Variants in DDAH1 observed in about 807,000 individuals in gnomAD.
DDAH1 encodes N(G),N(G)-dimethylarginine dimethylaminohydrolase 1.
A neutral mutation model predicts 28.8 loss-of-function variants in DDAH1; 19 were observed. The observed-to-expected ratio is 0.66, with a 90% CI of 0.46 to 0.97. The LOEUF (loss-of-function observed/expected upper bound fraction) is 0.97, where lower values mean the gene tolerates loss of function less well. Ranked by LOEUF, DDAH1 falls within the 50% of genes least tolerant of loss-of-function variation. The pLI, the probability that DDAH1 is intolerant of heterozygous loss-of-function variation, is 0.00. For synonymous variants in DDAH1, 153 were observed against 154.4 expected, an observed-to-expected ratio of 0.99 and a Z score of 0.07; for missense variants, 326 against 375.9, an observed-to-expected ratio of 0.87 and a Z score of 1.10.
intron 1 of DDAH1, among the ~76,000 whole-genome samples, chr1:85,518,927 T>TATC (rs1272682974): frequency 6.6e-6 from 1 of 152,106 alleles, no homozygotes; most frequent in African/African-American, 2.4e-5. Context: ...AAATGTTAGC[T>TATC]ATCATCATCA....
In DDAH1 at chr1:85,464,507, C is replaced by T. The variant is rs767332412; in HGVS notation, c.303+236G>A. ...CCCCGCCCACCCACCTGCCCGAGAC[C>T]GTACAACCACATTGAATCGGATCCT... On this transcript the variant is annotated intron_variant, in intron 1 of 5. Transcript: ENST00000284031. This position sits in a 1 kb window ranked among gnomAD's most constrained non-coding sequence, Gnocchi z 4.4. 114 of 1,527,670 alleles carry T rather than the reference C, an allele frequency of 7.5e-5. No individual in the cohort carries two copies. The highest frequency in any genetic ancestry group is 9.9e-5 in the Non-Finnish European group (113 of 1,142,248). 94.6% of individuals were successfully genotyped at this position (1,527,670 alleles called of 1,614,324 possible).
intron 1 of DDAH1, among the ~76,000 whole-genome samples, chr1:85,434,466 G>T (rs1653840461): frequency 6.6e-6 from 1 of 151,980 alleles, no homozygotes; most frequent in African/African-American, 2.4e-5. Flanking sequence ...ACCCAGGCTG[G>T]AGTGCAGTGG....
chr1:85,371,818 T>C (rs996056652), intron 1 of DDAH1, among the ~76,000 whole-genome samples: 1 of 152,242 alleles, frequency 6.6e-6, no homozygotes, highest in Non-Finnish European at 1.5e-5. Flanking sequence ...TCCTCAATGA[T>C]TGCTGCATAA....
intron 1 of DDAH1, among the ~76,000 whole-genome samples, chr1:85,458,165 G>A (rs1302130019): frequency 6.6e-6 from 1 of 152,128 alleles, no homozygotes; most frequent in Non-Finnish European, 1.5e-5. Flanking sequence ...TCGGGTTCTT[G>A]TCCACACTGA....
At chr1:85,327,140 G>A (rs1647455919) in intron 4 of DDAH1, among the ~76,000 whole-genome samples, 1 of 152,180 alleles carries the variant, frequency 6.6e-6, no homozygotes, top group African/African-American at 2.4e-5. Context: ...GAGCCCGGGA[G>A]TTTGAGACCA....
At chr1:85,369,055 C>CTTTT (rs36109764) in intron 1 of DDAH1, among the ~76,000 whole-genome samples, 24 of 84,584 alleles carry the variant, frequency 2.8e-4, no homozygotes, top group Admixed American at 5.7e-4. Context: ...CCAGGGGATT[C>CTTTT]TTTTTTTTTT....
intron 1 of DDAH1, among the ~76,000 whole-genome samples, chr1:85,498,202 CA>C (rs1557694002): frequency 6.6e-6 from 1 of 152,136 alleles, no homozygotes; most frequent in Non-Finnish European, 1.5e-5. Context: ...GGATAGCCAA[CA>C]GGACTATAGC....
intron 5 of DDAH1, among the ~76,000 whole-genome samples, chr1:85,322,500 C>T (rs1661393715): frequency 6.6e-6 from 1 of 152,220 alleles, no homozygotes; most frequent in Admixed American, 6.5e-5. Flanking sequence ...ATCTCCTGTG[C>T]TTCTTTAGGA....
At chr1:85,417,143 A>C (rs1336421905) in intron 1 of DDAH1, among the ~76,000 whole-genome samples, 1 of 152,236 alleles carries the variant, frequency 6.6e-6, no homozygotes, top group Non-Finnish European at 1.5e-5. Flanking sequence ...ATATGATTTT[A>C]GTGAAGGGAC....
intron 4 of DDAH1, among the ~76,000 whole-genome samples, chr1:85,339,706 C>T (rs919818634): frequency 3.9e-5 from 6 of 152,308 alleles, no homozygotes; most frequent in African/African-American, 1.2e-4. Flanking sequence ...CAAAATGTCA[C>T]TTCTAATTTA....
At chr1:85,412,423 C>T (rs563624507) in intron 1 of DDAH1, among the ~76,000 whole-genome samples, 20 of 152,336 alleles carry the variant, frequency 1.3e-4, no homozygotes, top group African/African-American at 4.3e-4. Flanking sequence ...CAACACAAGA[C>T]GATCTTCCTG....
intron 1 of DDAH1, among the ~76,000 whole-genome samples, chr1:85,524,553 C>T (rs1462269954): frequency 1.3e-5 from 2 of 151,826 alleles, no homozygotes; most frequent in Non-Finnish European, 2.9e-5. Context: ...CTACTATCAA[C>T]CTGAGAAAGA....
At chr1:85,459,960 G>A (rs1446718671) in intron 1 of DDAH1, among the ~76,000 whole-genome samples, 4 of 152,128 alleles carry the variant, frequency 2.6e-5, no homozygotes, top group Non-Finnish European at 4.4e-5. Flanking sequence ...AGGATTAACC[G>A]CAACTGGCAA....
chr1:85,575,897 A>T (rs1659588186), intron 1 of DDAH1: 1 of 152,048 alleles, frequency 6.6e-6, no homozygotes, highest in Admixed American at 6.6e-5. Flanking sequence ...AACATCACAC[A>T]CTGGGGCCTG....
At chr1:85,460,148 T>A (rs989580661) in intron 1 of DDAH1, among the ~76,000 whole-genome samples, 1 of 152,214 alleles carries the variant, frequency 6.6e-6, no homozygotes, top group Non-Finnish European at 1.5e-5. Flanking sequence ...ATTCAAAAAC[T>A]TGGCATTTGT....
chr1:85,490,727 C>A (rs1006285584), intron 2 of DDAH1, among the ~76,000 whole-genome samples: 1 of 152,192 alleles, frequency 6.6e-6, no homozygotes, highest in Non-Finnish European at 1.5e-5. Context: ...TAAGATAATG[C>A]CCAAATGTTT....
chr1:85,476,628 T>C (rs1008846679), intron 2 of DDAH1, among the ~76,000 whole-genome samples: 25 of 152,156 alleles, frequency 1.6e-4, no homozygotes, highest in Non-Finnish European at 3.4e-4. Context: ...TGCCGTGCTC[T>C]TTAGGGGCTA....
intron 4 of DDAH1, among the ~76,000 whole-genome samples, chr1:85,349,671 C>T (rs1370746604): frequency 6.6e-6 from 1 of 152,258 alleles, no homozygotes; most frequent in East Asian, 1.9e-4. Flanking sequence ...TATGAAGGGC[C>T]CACTGTGGGC....
chr1:85,504,553 A>T (rs1187805658), intron 1 of DDAH1, among the ~76,000 whole-genome samples: 2 of 152,202 alleles, frequency 1.3e-5, no homozygotes, highest in African/African-American at 4.8e-5. Context: ...CAAAATATGA[A>T]TATGATTGTC....
Sources: gnomAD v4.1 joint callset for allele counts (sites outside exome capture counted in the v4.1 genomes callset) on GRCh38, gnomAD v4.1.1 for gene constraint, Gnocchi (gnomAD v3.1) non-coding constraint, MANE v1.5 for transcripts, NCBI Gene and HGNC (gene_info 2026-07-23, HGNC 2026-07-21) for gene names.